Variants in EIF2AK3 observed in about 807,000 individuals in gnomAD.
EIF2AK3 encodes eukaryotic translation initiation factor 2-alpha kinase 3.
A neutral mutation model predicts 113.5 loss-of-function variants in EIF2AK3; 50 were observed. The ratio of observed to expected loss-of-function variants is 0.44; its 90% CI spans 0.35 to 0.56. The LOEUF (loss-of-function observed/expected upper bound fraction) is 0.56, where lower values mean the gene tolerates loss of function less well. Ranked by LOEUF, EIF2AK3 falls within the 20% of genes least tolerant of loss-of-function variation. The probability of loss-of-function intolerance (pLI) is 0.00; values close to 1 mark genes in which losing one functional copy is unlikely to be tolerated. For synonymous variants in EIF2AK3, 448 were observed against 495.4 expected, an observed-to-expected ratio of 0.90 and a Z score of 1.27; for missense variants, 1,185 against 1,378.0, an observed-to-expected ratio of 0.86 and a Z score of 2.22.
In EIF2AK3 at chr2:88,574,984, A is replaced by C. The variant is rs1474123036; in HGVS notation, c.2499T>G (p.Cys833Trp). ...KTNRLHIGNHCANKLTAFKPT... is the reference protein window; with the variant it reads ...KTNRLHIGNHWANKLTAFKPT... ...GCTTGAAAGCAGTTAGTTTATTAGC[A>C]CAATGGTTGCCAATATGCAATCGAT... The change falls in exon 13 of 17, where the codon TGT becomes TGG. Residue 833 changes from cysteine to tryptophan, a missense_variant. This residue lies in a region of EIF2AK3 where 877 missense variants were observed against 1,024.2 expected (regional missense o/e 0.86). Transcript: ENST00000303236. The C allele has an allele frequency of 3.1e-6, 5 of 1,614,078 alleles. No homozygotes were observed. Among genetic ancestry groups the C allele is most frequent in the Non-Finnish European group, 4.2e-6 (5 of 1,180,040 alleles).
At chr2:88,581,093 C>T (rs1198926169) in intron 10 of EIF2AK3, among the ~76,000 whole-genome samples, 2 of 151,892 alleles carry the variant, frequency 1.3e-5, no homozygotes, top group African/African-American at 4.8e-5. Context: ...AAGTTGTCAG[C>T]TGATAAATAA....
intron 1 of EIF2AK3, among the ~76,000 whole-genome samples, chr2:88,614,807 C>G (rs1675532697): frequency 6.6e-6 from 1 of 152,218 alleles, no homozygotes; most frequent in African/African-American, 2.4e-5. Flanking sequence ...ATGTCACACT[C>G]TGGAAGAACT....
chr2:88,558,264 A>G (rs951643203), intron 16 of EIF2AK3, among the ~76,000 whole-genome samples: 1 of 152,224 alleles, frequency 6.6e-6, no homozygotes, highest in African/African-American at 2.4e-5. Context: ...ATTTTCTAAC[A>G]CATTATAAAG....
At chr2:88,561,153 C>T (rs1317070374) in intron 15 of EIF2AK3, among the ~76,000 whole-genome samples, 1 of 151,752 alleles carries the variant, frequency 6.6e-6, no homozygotes, top group Non-Finnish European at 1.5e-5. Flanking sequence ...TGGGGTCTTA[C>T]TATGTTGCCC....
At chr2:88,596,791 G>T (rs1022771008) in intron 2 of EIF2AK3, among the ~76,000 whole-genome samples, 1 of 152,116 alleles carries the variant, frequency 6.6e-6, no homozygotes, top group African/African-American at 2.4e-5. Context: ...ATAATTGAAA[G>T]GTAAAGCCAA....
intron 1 of EIF2AK3, 49 bp downstream of exon 1, chr2:88,626,918 G>A (rs747583296): frequency 6.3e-7 from 1 of 1,599,766 alleles, no homozygotes; most frequent in Non-Finnish European, 8.5e-7. Context: ...CATCCTCCGC[G>A]GCTCGCGCGC....
intron 8 of EIF2AK3, among the ~76,000 whole-genome samples, chr2:88,587,097 C>G (rs958008872): frequency 6.9e-6 from 1 of 145,502 alleles, no homozygotes; most frequent in Non-Finnish European, 1.5e-5. Context: ...CCCAGCTACT[C>G]GGGAGGCTGA....
Position 88,613,683 on chromosome 2 carries a change from G to T in EIF2AK3, c.438+41C>A, listed in dbSNP as rs1288382627. 1.9e-6 allele frequency: 3 copies of T among 1,611,808 alleles called. No individual in the cohort carries two copies. In the East Asian group the frequency reaches 6.7e-5, roughly 36 times the overall value. ...TCTTAATATCAGCAATTACTCATTA[G>T]AATTAAGTTTTCTAGTCAACAGTTA... On this transcript the variant is annotated intron_variant, in intron 2 of 16. Transcript: ENST00000303236.
At chr2:88,625,115 A>C (rs1326299780) in intron 1 of EIF2AK3, among the ~76,000 whole-genome samples, 1 of 152,200 alleles carries the variant, frequency 6.6e-6, no homozygotes, top group Admixed American at 6.5e-5. Context: ...ACTCTCATTC[A>C]GGGAGTGTGG....
intron 2 of EIF2AK3, among the ~76,000 whole-genome samples, chr2:88,600,470 T>C (rs1356851291): frequency 2.0e-5 from 3 of 152,238 alleles, no homozygotes; most frequent in African/African-American, 4.8e-5. Flanking sequence ...CTCAAACTTA[T>C]TGTGTGACTT....
chr2:88,595,650 T>G lies in EIF2AK3; in HGVS notation c.452A>C (p.Lys151Thr). The stretch of plus-strand genomic sequence containing the variant: ...TCCATCCAGGGAAGGAATGATCATC[T>G]TATTCCCAAATACCTAAAACAGAAG... ...SLSKPEVFGNKMIIPSLDGAL... is the reference protein window; with the variant it reads ...SLSKPEVFGNTMIIPSLDGAL... Residue 151 changes from lysine to threonine, a missense_variant, in exon 3 of 17, where the codon AAG becomes ACG. Lys to Thr is a moderately conservative substitution (Grantham distance 78). Around this residue, in one of 3 missense-constraint regions of EIF2AK3, gnomAD observed 119 missense variants for 178.7 expected, o/e 0.67. Coordinates refer to ENST00000303236, the MANE Select transcript of EIF2AK3 (RefSeq NM_004836.7). The G allele has an allele frequency of 6.2e-7, 1 of 1,613,982 alleles. No individual in the cohort carries two copies. The highest frequency in any genetic ancestry group is 8.5e-7 in the Non-Finnish European group (1 of 1,179,896).
In EIF2AK3 at chr2:88,587,959, TAAAA is replaced by T. The variant is rs1320788606; in HGVS notation, c.1429+19_1429+22del. On this transcript the variant is annotated intron_variant, in intron 8 of 16. Transcript: ENST00000303236. ...ATTTCAAATTAAAAAATAAAATAAA[TAAAA>T]CTCAGTATTTTCACTTACCATATGG... 2.7e-6 allele frequency: 4 copies of T among 1,485,726 alleles called. No individual in the cohort carries two copies. The Admixed American group carries it at 7.2e-5, about 27-fold the overall frequency. 92.0% of individuals were successfully genotyped at this position (1,485,726 alleles called of 1,614,324 possible).
chr2:88,612,846 G>T (rs1675488831), intron 2 of EIF2AK3, among the ~76,000 whole-genome samples: 2 of 152,104 alleles, frequency 1.3e-5, no homozygotes, highest in South Asian at 4.1e-4. Flanking sequence ...AGAGAAAAAA[G>T]ACTACCCTAG....
intron 14 of EIF2AK3, among the ~76,000 whole-genome samples, chr2:88,565,034 A>C (rs1163247882): frequency 6.6e-6 from 1 of 151,640 alleles, no homozygotes; most frequent in African/African-American, 2.4e-5. Context: ...ACAATTAAAA[A>C]GGTGTTTTTT....
intron 12 of EIF2AK3, 141 bp from the exon 13 acceptor site, chr2:88,575,587 AAAC>A: frequency 1.2e-6 from 1 of 868,904 alleles, no homozygotes; most frequent in East Asian, 2.6e-5. Context: ...AACTAAATAA[AAAC>A]ATGCAATGTG....
intron 12 of EIF2AK3, among the ~76,000 whole-genome samples, chr2:88,575,841 GTC>G (rs1284709820): frequency 4.6e-5 from 7 of 152,156 alleles, no homozygotes; most frequent in African/African-American, 1.7e-4. Flanking sequence ...TATTGGTTGA[GTC>G]TATAATAAGC....
chr2:88,579,742 C>T, intron 10 of EIF2AK3, 102 bp from the exon 11 acceptor site: 1 of 1,052,368 alleles, frequency 9.5e-7, no homozygotes, highest in African/African-American at 1.6e-5. Context: ...TGTATAAACT[C>T]ATAGAACTCA....
intron 9 of EIF2AK3, 71 bp from the exon 10 acceptor site, chr2:88,583,613 T>G: frequency 9.2e-7 from 1 of 1,082,002 alleles, no homozygotes; most frequent in East Asian, 2.4e-5. Flanking sequence ...TTTTAGGTTA[T>G]AAAATAAACA....
chr2:88,558,962 T>C lies in EIF2AK3; in HGVS notation c.3105A>G (p.Arg1035=). 6.3e-7 allele frequency: 1 copy of C among 1,597,230 alleles called. No individual in the cohort carries two copies. Among genetic ancestry groups the C allele is most frequent in the Non-Finnish European group, 8.6e-7 (1 of 1,165,292 alleles). Residue 1035 remains arginine (R), a synonymous_variant, in exon 16 of 17, where the codon AGA becomes AGG. Transcript: ENST00000303236. ...MERVRTLTDV[R]NLKFPPLFTQ... is the part of the protein sequence containing the mutation. ...TAAATAATGGTGGAAATTTGAGATTTCTTACATCAGTTAAGGTCTAAAAAG... is the reference window on the plus strand; with the variant it reads ...TAAATAATGGTGGAAATTTGAGATTCCTTACATCAGTTAAGGTCTAAAAAG...
Sources: gnomAD v4.1 joint callset for allele counts (sites outside exome capture counted in the v4.1 genomes callset) on GRCh38, gnomAD v4.1.1 for gene constraint, gnomAD v4.1.1 regional missense constraint, MANE v1.5 for transcripts, NCBI Gene and HGNC (gene_info 2026-07-23, HGNC 2026-07-21) for gene names.